IMMP2L: variants seen among roughly 807,000 people sequenced by gnomAD.
The protein encoded by IMMP2L is mitochondrial inner membrane protease subunit 2.
IMMP2L carries 18 observed loss-of-function variants against 19.3 expected under a neutral mutation model. The observed-to-expected ratio is 0.93, with a 90% CI of 0.64 to 1.38. The LOEUF is 1.38. Ranked by LOEUF, IMMP2L falls within the 40% of genes most tolerant of loss-of-function variation. The probability of loss-of-function intolerance (pLI) is 0.00; values close to 1 mark genes in which losing one functional copy is unlikely to be tolerated. For missense variants in IMMP2L, 233 were observed against 218.2 expected (o/e 1.07, Z -0.43); for synonymous variants, 76 against 73.0 (o/e 1.04, Z -0.21).
At position 111,294,907 on chromosome 7, in the gene IMMP2L, G is replaced by A. The variant is rs189957080; in HGVS notation, c.239+192331C>T. 6.3e-4 allele frequency among the ~76,000 whole-genome samples: 96 copies of A among 151,958 alleles called. 1 individual carries two copies. Among genetic ancestry groups the A allele is most frequent in the Non-Finnish European group, 1.2e-3 (82 of 67,818 alleles). On this transcript the variant is annotated intron_variant, in intron 3 of 5. Transcript: ENST00000405709. Reference sequence around the variant, plus strand: ...TCTTACCCCAGCTAAGTATAATGTAGCAATAAATGGACTTTTCAATAACTG... The same window carrying A: ...TCTTACCCCAGCTAAGTATAATGTAACAATAAATGGACTTTTCAATAACTG...
intron 3 of IMMP2L, among the ~76,000 whole-genome samples, chr7:111,076,184 T>C (rs1191558037): frequency 1.3e-5 from 2 of 152,184 alleles, no homozygotes; most frequent in Non-Finnish European, 2.9e-5. Context: ...AAGTGTGATC[T>C]GTGGACCAGC....
chr7:110,957,783 G>C (rs143068314), intron 4 of IMMP2L, among the ~76,000 whole-genome samples: 1 of 151,834 alleles, frequency 6.6e-6, no homozygotes, highest in Non-Finnish European at 1.5e-5. Flanking sequence ...CTTAATTCAT[G>C]AGTCTCTTCA....
chr7:111,447,737 T>C (rs531202206), intron 3 of IMMP2L, among the ~76,000 whole-genome samples: 1 of 151,078 alleles, frequency 6.6e-6, no homozygotes, highest in African/African-American at 2.4e-5. Flanking sequence ...TGGACTAAAT[T>C]CTCCAATTAA....
At chr7:110,722,773 T>C (rs1367122967) in intron 5 of IMMP2L, among the ~76,000 whole-genome samples, 1 of 152,154 alleles carries the variant, frequency 6.6e-6, no homozygotes, top group Non-Finnish European at 1.5e-5. Context: ...CAAGGGATTA[T>C]AACTCAGCCC....
At chr7:110,958,640 A>T (rs1215070068) in intron 4 of IMMP2L, among the ~76,000 whole-genome samples, 1 of 151,972 alleles carries the variant, frequency 6.6e-6, no homozygotes, top group Non-Finnish European at 1.5e-5. Context: ...AGTACAAGGT[A>T]TGCAGCAGAT....
chr7:110,831,573 G>A (rs970236178), intron 5 of IMMP2L, among the ~76,000 whole-genome samples: 17 of 152,096 alleles, frequency 1.1e-4, no homozygotes, highest in African/African-American at 4.1e-4. Flanking sequence ...AAAGACACAA[G>A]CAGCCAACTT....
intron 3 of IMMP2L, among the ~76,000 whole-genome samples, chr7:111,407,039 G>A (rs995222653): frequency 2.0e-5 from 3 of 152,110 alleles, no homozygotes; most frequent in African/African-American, 7.2e-5. Flanking sequence ...GAGTTGGGGT[G>A]TAACCTTGAG....
chr7:110,781,759 T>G (rs1340539003), intron 5 of IMMP2L, among the ~76,000 whole-genome samples: 2 of 151,850 alleles, frequency 1.3e-5, no homozygotes, highest in African/African-American at 4.8e-5. Flanking sequence ...GTGCCTAAAA[T>G]AAAACTTTAA....
chr7:111,532,312 A>G (rs1236669976), intron 1 of IMMP2L, among the ~76,000 whole-genome samples: 1 of 152,046 alleles, frequency 6.6e-6, no homozygotes, highest in Non-Finnish European at 1.5e-5. Context: ...CTGCAGCCCT[A>G]CTTCGGTCTT....
At chr7:111,087,989 C>T (rs1191736681) in intron 3 of IMMP2L, among the ~76,000 whole-genome samples, 2 of 152,076 alleles carry the variant, frequency 1.3e-5, no homozygotes, top group Non-Finnish European at 2.9e-5. Flanking sequence ...CCAAGATGCA[C>T]GATGATACTT....
intron 5 of IMMP2L, among the ~76,000 whole-genome samples, chr7:110,680,413 C>A (rs985110266): frequency 1.3e-5 from 2 of 152,102 alleles, no homozygotes; most frequent in African/African-American, 4.8e-5. Context: ...GTGGTCAGAG[C>A]TATAACTGCC....
chr7:110,948,194 GA>G (rs1189190928), intron 4 of IMMP2L, among the ~76,000 whole-genome samples: 4 of 152,022 alleles, frequency 2.6e-5, no homozygotes, highest in Non-Finnish European at 5.9e-5. Context: ...TTAAAAAATA[GA>G]AATCTATCAT....
At chr7:111,130,616 T>G (rs1801755480) in intron 3 of IMMP2L, among the ~76,000 whole-genome samples, 2 of 152,058 alleles carry the variant, frequency 1.3e-5, no homozygotes, top group South Asian at 4.1e-4. Context: ...TTAACCCTCT[T>G]AATCCTCACA....
In IMMP2L at chr7:110,960,744, AAT is replaced by A. The variant is rs1487818057; in HGVS notation, c.305+2754_305+2755del. 3.9e-5 allele frequency among the ~76,000 whole-genome samples: 6 copies of A among 151,912 alleles called. No homozygotes were observed. In the East Asian group the frequency reaches 1.2e-3, roughly 29 times the overall value. ...AATGATAGCTAAGTTATTTTATACTAATAGACTTACCCCTGACTAAATCATAG... is the reference window on the plus strand; with the variant it reads ...AATGATAGCTAAGTTATTTTATACTAAGACTTACCCCTGACTAAATCATAG... On this transcript the variant is annotated intron_variant, in intron 4 of 5. Coordinates refer to ENST00000405709, the MANE Select transcript of IMMP2L (RefSeq NM_032549.4).
At chr7:111,179,843 A>T (rs2129610790) in intron 3 of IMMP2L, among the ~76,000 whole-genome samples, 1 of 152,210 alleles carries the variant, frequency 6.6e-6, no homozygotes, top group South Asian at 2.1e-4. Context: ...CTATGTCAAT[A>T]CTTGCTGCTT....
intron 3 of IMMP2L, chr7:111,122,363 G>C (rs1003804996): frequency 6.4e-6 from 1 of 156,210 alleles, no homozygotes; most frequent in Non-Finnish European, 1.4e-5. Flanking sequence ...TTTTTCATTT[G>C]TACTAATTAT....
At chr7:110,701,276 T>G (rs1046923515) in intron 5 of IMMP2L, among the ~76,000 whole-genome samples, 3 of 152,220 alleles carry the variant, frequency 2.0e-5, no homozygotes, top group Non-Finnish European at 4.4e-5. Context: ...TAGCATTTAC[T>G]GCCCCTAATA....
chr7:110,873,429 C>CAAAAAAAAAAAAAAAAAAAAA (rs60827428), intron 5 of IMMP2L, among the ~76,000 whole-genome samples: 1 of 28,958 alleles, frequency 3.5e-5, no homozygotes, highest in Non-Finnish European at 7.1e-5. Flanking sequence ...GACTCTATCT[C>CAAAAAAAAAAAAAAAAAAAAA]AAAAAAAAAA....
At chr7:111,444,647 T>C (rs11971796) in intron 3 of IMMP2L, among the ~76,000 whole-genome samples, 4,092 of 152,244 alleles carry the variant, frequency 0.027, 186 homozygotes, top group African/African-American at 0.094. Context: ...TTATCAAGTA[T>C]TTAACCATCA....
Sources: allele counts gnomAD v4.1 joint callset (sites outside exome capture counted in the v4.1 genomes callset), GRCh38; gene constraint gnomAD v4.1.1; transcripts MANE v1.5; gene names NCBI Gene and HGNC (gene_info 2026-07-23, HGNC 2026-07-21).